FHOD3: variants seen among roughly 807,000 people sequenced by gnomAD.
FHOD3 encodes FH1/FH2 domain-containing protein 3.
FHOD3 carries 90 observed loss-of-function variants against 173.0 expected under a neutral mutation model. The ratio of observed to expected loss-of-function variants is 0.52; its 90% CI spans 0.44 to 0.62. The LOEUF is 0.62. FHOD3 is among the 20% of genes least tolerant of loss of function. FHOD3 has a pLI of 0.00. For missense variants in FHOD3, 1,945 were observed against 2,034.7 expected, an observed-to-expected ratio of 0.96 and a Z score of 0.85; for synonymous variants, 828 against 823.0, an observed-to-expected ratio of 1.01 and a Z score of -0.10.
chr18:36,531,007 G>A (rs1487905409), intron 5 of FHOD3, among the ~76,000 whole-genome samples: 1 of 152,174 alleles, frequency 6.6e-6, no homozygotes, highest in Non-Finnish European at 1.5e-5. Context: ...TGTGACCATG[G>A]TTGAATTAGT....
At chr18:36,693,131 G>C (rs1244967175) in intron 16 of FHOD3, 78 bp from the exon 17 acceptor site, 1 of 1,391,478 alleles carries the variant, frequency 7.2e-7, no homozygotes, top group African/African-American at 1.4e-5. Context: ...TCATTCTGCA[G>C]GTGTTTCATC....
intron 27 of FHOD3, among the ~76,000 whole-genome samples, chr18:36,768,421 G>A (rs1159181690): frequency 6.6e-6 from 1 of 152,202 alleles, no homozygotes; most frequent in African/African-American, 2.4e-5. Context: ...AGGATGCGAA[G>A]CCCATGTATA....
intron 3 of FHOD3, among the ~76,000 whole-genome samples, chr18:36,386,519 C>T (rs2048039581): frequency 6.6e-6 from 1 of 152,236 alleles, no homozygotes; most frequent in South Asian, 2.1e-4. Flanking sequence ...GCTGTCTTGG[C>T]TTGGAATTGC....
chr18:36,775,941 C>T (rs923413853), intron 28 of FHOD3, among the ~76,000 whole-genome samples: 3 of 152,108 alleles, frequency 2.0e-5, no homozygotes, highest in Non-Finnish European at 4.4e-5. Flanking sequence ...GAGGGGAGGC[C>T]GTCCCGTGGG....
intron 2 of FHOD3, among the ~76,000 whole-genome samples, chr18:36,360,852 CA>C (rs1424586157): frequency 6.6e-6 from 1 of 152,142 alleles, no homozygotes; most frequent in Non-Finnish European, 1.5e-5. Context: ...TGATATAATA[CA>C]AAAATTAACC....
chr18:36,575,609 A>G (rs2058619688), intron 5 of FHOD3, among the ~76,000 whole-genome samples: 1 of 152,230 alleles, frequency 6.6e-6, no homozygotes, highest in South Asian at 2.1e-4. Flanking sequence ...GTTTAGAAAA[A>G]TGTCAATGCC....
intron 17 of FHOD3, 33 bp downstream of exon 17, chr18:36,693,456 A>G (rs2039082755): frequency 6.3e-7 from 1 of 1,588,038 alleles, no homozygotes; most frequent in African/African-American, 1.3e-5. Context: ...GAAAATGAAC[A>G]GGTTAACATC....
intron 1 of FHOD3, among the ~76,000 whole-genome samples, chr18:36,338,303 T>A (rs1444997201): frequency 2.0e-5 from 3 of 152,144 alleles, no homozygotes; most frequent in African/African-American, 7.2e-5. Flanking sequence ...GTGCTTGGAA[T>A]GGAGGGCAGT....
At chr18:36,409,106 A>G (rs550529777) in intron 3 of FHOD3, among the ~76,000 whole-genome samples, 15 of 151,956 alleles carry the variant, frequency 9.9e-5, no homozygotes, top group Non-Finnish European at 1.8e-4. Context: ...GGCCCGGCAA[A>G]TTCCTTCCCT....
At chr18:36,696,536 G>C (rs981926114) in intron 17 of FHOD3, among the ~76,000 whole-genome samples, 4 of 152,140 alleles carry the variant, frequency 2.6e-5, no homozygotes, top group Admixed American at 6.5e-5. Context: ...AAAAGGGAAA[G>C]GCTAATGATA....
At chr18:36,658,233 G>T in intron 14 of FHOD3, 45 bp downstream of exon 14, 1 of 1,334,904 alleles carries the variant, frequency 7.5e-7, no homozygotes, top group Non-Finnish European at 1.0e-6. Flanking sequence ...CCTCAAGTGA[G>T]GGGAATCAAT....
intron 4 of FHOD3, among the ~76,000 whole-genome samples, chr18:36,502,532 A>T (rs1332649523): frequency 1.3e-5 from 2 of 152,064 alleles, no homozygotes; most frequent in African/African-American, 4.8e-5. Flanking sequence ...TCTGAGAATG[A>T]TGGTTTCCAG....
intron 9 of FHOD3, among the ~76,000 whole-genome samples, chr18:36,620,336 T>G (rs1250050829): frequency 6.6e-6 from 1 of 152,182 alleles, no homozygotes; most frequent in East Asian, 1.9e-4. Flanking sequence ...CTTCCTATTC[T>G]CAAGTTATCA....
chr18:36,650,767 A>G (rs528202094), intron 11 of FHOD3, among the ~76,000 whole-genome samples: 1 of 152,318 alleles, frequency 6.6e-6, no homozygotes, highest in East Asian at 1.9e-4. Flanking sequence ...CCTTCAGACC[A>G]GATGGAAGAA....
At chr18:36,767,858 A>C (rs2043206729) in intron 27 of FHOD3, among the ~76,000 whole-genome samples, 1 of 152,212 alleles carries the variant, frequency 6.6e-6, no homozygotes, top group South Asian at 2.1e-4. Flanking sequence ...ATCACAGTCC[A>C]TTGAACTGTG....
At chr18:36,742,110 G>C (rs1020541919) in intron 21 of FHOD3, among the ~76,000 whole-genome samples, 3 of 152,146 alleles carry the variant, frequency 2.0e-5, no homozygotes, top group Middle Eastern at 3.2e-3. Flanking sequence ...GATATAGGCT[G>C]GGGGAGAGCC....
intron 3 of FHOD3, among the ~76,000 whole-genome samples, chr18:36,482,118 G>A (rs1018007969): frequency 6.6e-6 from 1 of 152,168 alleles, no homozygotes; most frequent in African/African-American, 2.4e-5. Context: ...GGAAGGAGGG[G>A]GAGGGTACTG....
At chr18:36,299,261 C>T (rs1387126692) in intron 1 of FHOD3, among the ~76,000 whole-genome samples, 12 of 152,082 alleles carry the variant, frequency 7.9e-5, no homozygotes, top group African/African-American at 2.4e-5. Context: ...TGGTTCAGGA[C>T]GGATACAGTC....
At chr18:36,660,037 G>A (rs539648975) in intron 14 of FHOD3, among the ~76,000 whole-genome samples, 8 of 152,268 alleles carry the variant, frequency 5.3e-5, no homozygotes, top group East Asian at 1.9e-4. Context: ...TTGGGAGGCC[G>A]AGGTGGGCAG....
Sources: allele counts gnomAD v4.1 joint callset (sites outside exome capture counted in the v4.1 genomes callset), GRCh38; gene constraint gnomAD v4.1.1; transcripts MANE v1.5; gene names NCBI Gene and HGNC (gene_info 2026-07-23, HGNC 2026-07-21).